PTPRN2: variants seen among roughly 807,000 people sequenced by gnomAD.
PTPRN2 encodes the protein receptor-type tyrosine-protein phosphatase N2.
PTPRN2 carries 74 observed loss-of-function variants against 118.8 expected under a neutral mutation model. The observed-to-expected ratio is 0.62, with a 90% confidence interval of 0.52 to 0.76. The LOEUF is 0.76. Ranked by LOEUF, PTPRN2 falls within the 30% of genes least tolerant of loss-of-function variation. PTPRN2 has a pLI of 0.00. For synonymous variants in PTPRN2, 641 were observed against 608.0 expected (o/e 1.05, Z -0.80); for missense variants, 1,481 against 1,394.4 (o/e 1.06, Z -0.99).
Position 157,868,195 on chromosome 7 carries a change from G to C in PTPRN2, c.1788+30478C>G, listed in dbSNP as rs28729197. Among the ~76,000 whole-genome samples, 1,360 of 152,310 alleles carry C rather than the reference G, an allele frequency of 8.9e-3. 27 individuals carry two copies. The highest frequency in any genetic ancestry group is 0.032 in the African/African-American group (1,312 of 41,558). On this transcript the variant is annotated intron_variant, in intron 12 of 22. Transcript: ENST00000389418. The surrounding 1 kb of genome is among the most constrained non-coding windows in gnomAD (Gnocchi z 5.2). ...CACAGGAAGGGTTCCTTTCCCGATG[G>C]CTCCGACAGCCCAGTGGTGCACCTA...
At chr7:158,377,633 T>C (rs943615470) in intron 2 of PTPRN2, among the ~76,000 whole-genome samples, 1 of 152,142 alleles carries the variant, frequency 6.6e-6, no homozygotes, top group African/African-American at 2.4e-5. Flanking sequence ...GGCTTTGTCA[T>C]GGACCCAAGA....
intron 3 of PTPRN2, among the ~76,000 whole-genome samples, chr7:158,312,504 ACACC>A (rs1181879351): frequency 6.8e-6 from 1 of 146,896 alleles, no homozygotes; most frequent in Non-Finnish European, 1.5e-5. Context: ...TCACGTGTAG[ACACC>A]CACACACACG....
intron 2 of PTPRN2, among the ~76,000 whole-genome samples, chr7:158,439,324 A>G (rs1053330930): frequency 6.6e-6 from 1 of 152,192 alleles, no homozygotes; most frequent in Non-Finnish European, 1.5e-5. Context: ...TGTATCATGG[A>G]TGCATCCTTC....
intron 21 of PTPRN2, among the ~76,000 whole-genome samples, chr7:157,557,629 A>G (rs1798973243): frequency 6.6e-6 from 1 of 151,884 alleles, no homozygotes. Flanking sequence ...GATGATCTTA[A>G]CTAAAGACTT....
intron 4 of PTPRN2, among the ~76,000 whole-genome samples, chr7:158,196,392 T>C (rs1187009482): frequency 2.6e-5 from 4 of 152,202 alleles, no homozygotes; most frequent in African/African-American, 9.7e-5. Flanking sequence ...GCCACACAGC[T>C]GCGTCCCCTC....
chr7:158,136,736 T>C (rs745673084), intron 7 of PTPRN2, 41 bp from the exon 8 acceptor site: 1 of 1,598,704 alleles, frequency 6.3e-7, no homozygotes, highest in South Asian at 1.1e-5. Flanking sequence ...TCATCAAGAA[T>C]GTCATCACAG....
intron 2 of PTPRN2, among the ~76,000 whole-genome samples, chr7:158,450,355 A>T (rs1225549444): frequency 6.6e-6 from 1 of 152,260 alleles, no homozygotes; most frequent in Non-Finnish European, 1.5e-5. Context: ...CTTCCCACAC[A>T]CAAGGACACA....
chr7:157,883,815 C>A (rs1438824684), intron 12 of PTPRN2, among the ~76,000 whole-genome samples: 1 of 151,528 alleles, frequency 6.6e-6, no homozygotes, highest in Non-Finnish European at 1.5e-5. Context: ...GAACACACCA[C>A]CCCAAAAATG....
chr7:158,543,581 T>C lies in PTPRN2; in HGVS notation c.112+43977A>G, dbSNP rs117059443. On this transcript the variant is annotated intron_variant, in intron 1 of 22. Transcript: ENST00000389418. The stretch of plus-strand genomic sequence containing the variant: ...CAAGATGGCAGAACATTTGAAATTA[T>C]ATTTGCACTTTGGGACATACAGATA... Among the ~76,000 whole-genome samples, 188 of 152,392 alleles carry C rather than the reference T, an allele frequency of 1.2e-3. 4 individuals carry two copies. The East Asian group carries it at 0.03, about 25-fold the overall frequency.
At chr7:158,080,745 A>T (rs1184519053) in intron 11 of PTPRN2, among the ~76,000 whole-genome samples, 4 of 152,176 alleles carry the variant, frequency 2.6e-5, no homozygotes, top group African/African-American at 9.7e-5. Context: ...CATCTCAAAA[A>T]TGTGTGATTC....
In PTPRN2 at chr7:158,171,230, CATAT is replaced by C. The variant is rs112858236; in HGVS notation, c.550-3943_550-3940del. 1.3e-4 allele frequency among the ~76,000 whole-genome samples: 16 copies of C among 126,502 alleles called. No homozygotes were observed. The East Asian group carries it at 2.8e-3, about 22-fold the overall frequency. The allele number at this position is 126,502 out of a possible 152,430, so 83.0% of individuals were successfully genotyped here. A position where few individuals can be genotyped will look rare whatever the true frequency, so the allele number is the denominator to read the frequency against. ...CTATATATACACACATATATACACA[CATAT>C]ATATACACATATATACACACATATA... On this transcript the variant is annotated intron_variant, in intron 5 of 22. Coordinates refer to ENST00000389418, the MANE Select transcript of PTPRN2 (RefSeq NM_002847.5).
chr7:157,718,714 C>T (rs998834509), intron 12 of PTPRN2, among the ~76,000 whole-genome samples: 11 of 144,862 alleles, frequency 7.6e-5, no homozygotes, highest in East Asian at 2.0e-4. Flanking sequence ...AGTCTCAGCA[C>T]GTCCAGGCGT....
intron 12 of PTPRN2, among the ~76,000 whole-genome samples, chr7:157,705,228 C>T (rs533310397): frequency 1.3e-5 from 2 of 152,316 alleles, no homozygotes; most frequent in African/African-American, 2.4e-5. Flanking sequence ...ATTGCTTGAA[C>T]CCAGGAGGTG....
At chr7:158,099,002 TCCC>T (rs5888739) in intron 10 of PTPRN2, among the ~76,000 whole-genome samples, 1 of 15,206 alleles carries the variant, frequency 6.6e-5, no homozygotes, top group Non-Finnish European at 1.7e-4. Flanking sequence ...CTCCCCTTCC[TCCC>T]CCAACACATC....
At chr7:158,311,209 G>A (rs142417948) in intron 3 of PTPRN2, among the ~76,000 whole-genome samples, 6 of 152,366 alleles carry the variant, frequency 3.9e-5, no homozygotes, top group African/African-American at 1.2e-4. Context: ...GACCCGTGCG[G>A]CCAGCCTTGG....
chr7:157,639,284 C>T (rs1451684473), intron 14 of PTPRN2, among the ~76,000 whole-genome samples: 1 of 152,168 alleles, frequency 6.6e-6, no homozygotes, highest in African/African-American at 2.4e-5. Flanking sequence ...GATCTGCCCG[C>T]CTTGGCCTCC....
intron 2 of PTPRN2, among the ~76,000 whole-genome samples, chr7:158,457,925 A>T (rs905948987): frequency 6.6e-6 from 1 of 152,208 alleles, no homozygotes; most frequent in African/African-American, 2.4e-5. Context: ...CAGGGCCAAA[A>T]CTTCACACCT....
rs56323418 is a variant in PTPRN2 at position 158,311,003 on chromosome 7, G to C, written c.277+5816C>G. 1.6e-3 allele frequency among the ~76,000 whole-genome samples: 237 copies of C among 152,322 alleles called. 2 individuals carry two copies. The highest frequency in any genetic ancestry group is 5.6e-3 in the African/African-American group (232 of 41,572). On this transcript the variant is annotated intron_variant, in intron 3 of 22. Transcript: ENST00000389418. ...ACACATCTGCCTGGAGGTCGGGTAG[G>C]GGGTGGATCTCAGCTCCTCTCAGCA...
At position 158,018,613 on chromosome 7, in the gene PTPRN2, G is replaced by A. The variant is rs148841803; in HGVS notation, c.1723+62685C>T. Among the ~76,000 whole-genome samples, 296 of 152,252 alleles carry A rather than the reference G, an allele frequency of 1.9e-3. 2 individuals carry two copies. The highest frequency in any genetic ancestry group is 6.8e-3 in the African/African-American group (284 of 41,538). On this transcript the variant is annotated intron_variant, in intron 11 of 22. Transcript: ENST00000389418. ...GTGGCTGCCTCGGTGTACTGTTACC[G>A]TATGTGGTAGAGACGGTTCCTAACC...
Sources: gnomAD v4.1 joint callset for allele counts (sites outside exome capture counted in the v4.1 genomes callset) on GRCh38, gnomAD v4.1.1 for gene constraint, Gnocchi (gnomAD v3.1) non-coding constraint, MANE v1.5 for transcripts, NCBI Gene and HGNC (gene_info 2026-07-23, HGNC 2026-07-21) for gene names.